The following TAF1 variants were observed in gnomAD, a reference collection of about 807,000 sequenced individuals.
TAF1 encodes the protein transcription initiation factor TFIID subunit 1.
A neutral mutation model predicts 138.5 loss-of-function variants in TAF1; 2 were observed. That is an observed-to-expected ratio of 0.01 (90% CI 0.01 to 0.05). The LOEUF is 0.05. Among genes scored for constraint, TAF1 ranks in the 10% least tolerant of loss-of-function variants. The pLI is 1.00. For synonymous variants in TAF1, 437 were observed against 503.2 expected (o/e 0.87, Z 1.76); for missense variants, 709 against 1,478.0 (o/e 0.48, Z 8.53).
intron 22 of TAF1, 105 bp from the exon 23 acceptor site, chrX:71,397,148 T>C (rs2034902112): frequency 1.2e-6 from 1 of 832,776 alleles, no homozygotes; most frequent in Non-Finnish European, 1.7e-6. Context: ...TGTAGAACCA[T>C]AGTTTTGTGG....
At chrX:71,413,822 T>C (rs1425124891) in intron 28 of TAF1, 1 of 111,833 alleles carries the variant, frequency 8.9e-6, no homozygotes, top group Non-Finnish European at 1.9e-5. Flanking sequence ...AAATTGGAAA[T>C]TCTAAGTTGC....
chrX:71,366,685 A>C (rs1315133393), intron 1 of TAF1, among the ~76,000 whole-genome samples, 191 bp downstream of exon 1: 2 of 111,162 alleles, frequency 1.8e-5, no homozygotes, highest in African/African-American at 6.6e-5. Context: ...GAGTGGGCAG[A>C]AGAGAGCGCG....
chrX:71,437,483 T>G (rs1037505983), intron 32 of TAF1, among the ~76,000 whole-genome samples: 5 of 107,800 alleles, frequency 4.6e-5, no homozygotes, highest in African/African-American at 1.7e-4. Context: ...CTGAGGCGGG[T>G]GGATCACTTG....
At chrX:71,398,421 G>C in intron 23 of TAF1, 151 bp from the exon 24 acceptor site, 1 of 684,655 alleles carries the variant, frequency 1.5e-6, no homozygotes, top group Non-Finnish European at 2.1e-6. Flanking sequence ...GGGCTGACTA[G>C]GGAGGGAGAT....
downstream of TAF1, among the ~76,000 whole-genome samples, chrX:71,466,768 A>G (rs2038769873): frequency 8.9e-6 from 1 of 112,202 alleles, no homozygotes; most frequent in Non-Finnish European, 1.9e-5. Flanking sequence ...TGCTGGGATT[A>G]CAGGCATGAG....
At chrX:71,441,685 C>CTTTTTTTT in intron 32 of TAF1, 1 of 276,952 alleles carries the variant, frequency 3.6e-6, no homozygotes, top group African/African-American at 2.9e-5. Flanking sequence ...AATTTTGTAT[C>CTTTTTTTT]TTTTTTTTTT....
chrX:71,417,761 T>A (rs1403171228), intron 28 of TAF1, among the ~76,000 whole-genome samples: 1 of 111,786 alleles, frequency 8.9e-6, no homozygotes, highest in Admixed American at 9.5e-5. Flanking sequence ...TCATTATGTG[T>A]TTATTGGGAT....
chrX:71,444,333 T>G lies in TAF1; in HGVS notation c.4754-9837T>G, dbSNP rs1410165054. ...TGTTTTCTTAATGGGTTTTGAGGGT[T>G]GTTTATGTATTCTAGGTATAAGACC... is the stretch of plus-strand genomic sequence containing the variant. On this transcript the variant is annotated intron_variant, in intron 32 of 37. Coordinates refer to ENST00000423759, the MANE Select transcript of TAF1 (RefSeq NM_004606.5). Among the ~76,000 whole-genome samples the G allele has an allele frequency of 4.5e-5, 5 of 111,756 alleles. No individual in the cohort carries two copies. The Admixed American group carries it at 4.8e-4, about 11-fold the overall frequency.
intron 13 of TAF1, among the ~76,000 whole-genome samples, chrX:71,518,262 T>C (rs1457834782): frequency 8.9e-6 from 1 of 111,877 alleles, no homozygotes; most frequent in Non-Finnish European, 1.9e-5. Context: ...CTCTGCCTTC[T>C]GGGCTCAAGC....
intron 3 of TAF1, among the ~76,000 whole-genome samples, chrX:71,369,719 C>T (rs1477857412): frequency 9.3e-6 from 1 of 107,859 alleles, no homozygotes; most frequent in Non-Finnish European, 1.9e-5. Flanking sequence ...CATTCTCTTG[C>T]CTCAGCCTCC....
At chrX:71,437,896 C>T (rs1323159792) in intron 32 of TAF1, among the ~76,000 whole-genome samples, 1 of 97,423 alleles carries the variant, frequency 1.0e-5, no homozygotes, top group African/African-American at 3.9e-5. Flanking sequence ...AGTGCAGTGG[C>T]GCGATCTTGG....
chrX:71,392,872 T>C lies in TAF1; in HGVS notation c.2932-3T>C, dbSNP rs777217826. On this transcript the variant is annotated splice_region_variant and splice_polypyrimidine_tract_variant and intron_variant, in intron 19 of 37. Coordinates refer to ENST00000423759, the MANE Select transcript of TAF1 (RefSeq NM_004606.5). The stretch of plus-strand genomic sequence containing the variant: ...GAGTCTCACTTTTTTTTGTTTGAGG[T>C]AGGATGATAAAGAACCGCAGCCAGT... 1 of 1,210,196 alleles carries C rather than the reference T, an allele frequency of 8.3e-7. No homozygotes were observed. The highest frequency in any genetic ancestry group is 2.2e-5 in the Admixed American group (1 of 45,706).
intron 13 of TAF1, among the ~76,000 whole-genome samples, chrX:71,520,373 T>C (rs993260779): frequency 9.1e-6 from 1 of 109,952 alleles, no homozygotes; most frequent in Non-Finnish European, 1.9e-5. Flanking sequence ...GAGAGATTGC[T>C]CATAACCCAT....
intron 27 of TAF1, 74 bp downstream of exon 27, chrX:71,407,746 G>A (rs2035549529): frequency 5.7e-6 from 6 of 1,054,739 alleles, no homozygotes; most frequent in Non-Finnish European, 7.9e-6. Context: ...TCCAATAGAG[G>A]GCAGTAATCT....
chrX:71,505,654 G>A (rs762854072), intron 13 of TAF1, among the ~76,000 whole-genome samples: 1 of 112,086 alleles, frequency 8.9e-6, no homozygotes, highest in Non-Finnish European at 1.9e-5. Flanking sequence ...CACAGCTGAG[G>A]AGAAATGACA....
chrX:71,420,509 C>T (rs1017254007), intron 28 of TAF1: 1 of 1,205,473 alleles, frequency 8.3e-7, no homozygotes, highest in Non-Finnish European at 1.1e-6. Flanking sequence ...CCATCTTCTC[C>T]TCAATGACAT....
intron 13 of TAF1, among the ~76,000 whole-genome samples, chrX:71,490,077 G>A (rs930163768): frequency 2.7e-5 from 3 of 110,809 alleles, no homozygotes; most frequent in African/African-American, 9.9e-5. Flanking sequence ...CCTCCTACTT[G>A]TTCCAAAAAT....
chrX:71,367,968 G>T (rs1290050574), intron 2 of TAF1, 86 bp from the exon 3 acceptor site: 22 of 1,020,009 alleles, frequency 2.2e-5, no homozygotes, highest in Admixed American at 9.2e-5. Context: ...ACCGCATCCA[G>T]CCTGTACATG....
At chrX:71,398,327 G>A (rs2034969476) in intron 23 of TAF1, among the ~76,000 whole-genome samples, 1 of 107,221 alleles carries the variant, frequency 9.3e-6, no homozygotes, top group African/African-American at 3.4e-5. Flanking sequence ...GACAGAGGGA[G>A]ACTCCGTCTC....
Sources: gnomAD v4.1 joint callset for allele counts (sites outside exome capture counted in the v4.1 genomes callset) on GRCh38, gnomAD v4.1.1 for gene constraint, MANE v1.5 for transcripts, NCBI Gene and HGNC (gene_info 2026-07-23, HGNC 2026-07-21) for gene names.